FAM135B: variants seen among roughly 807,000 people sequenced by gnomAD.
The protein encoded by FAM135B is protein FAM135B.
A neutral mutation model predicts 127.7 loss-of-function variants in FAM135B; 43 were observed. The ratio of observed to expected loss-of-function variants is 0.34; its 90% CI spans 0.26 to 0.43. The LOEUF (loss-of-function observed/expected upper bound fraction) is 0.43, where lower values mean the gene tolerates loss of function less well. Among genes scored for constraint, FAM135B ranks in the 20% least tolerant of loss-of-function variants. FAM135B has a pLI of 1.00. For synonymous variants in FAM135B, 670 were observed against 665.1 expected, an observed-to-expected ratio of 1.01 and a Z score of -0.11; for missense variants, 1,558 against 1,725.6, an observed-to-expected ratio of 0.90 and a Z score of 1.72.
chr8:138,220,991 G>C (rs541166926), intron 7 of FAM135B, among the ~76,000 whole-genome samples: 1 of 152,200 alleles, frequency 6.6e-6, no homozygotes, highest in Non-Finnish European at 1.5e-5. Flanking sequence ...TAAAAACGAA[G>C]TGAGACCTAC....
At chr8:138,331,283 A>T (rs1244832523) in intron 2 of FAM135B, among the ~76,000 whole-genome samples, 3 of 152,210 alleles carry the variant, frequency 2.0e-5, no homozygotes, top group African/African-American at 7.2e-5. Context: ...CATCTGACTC[A>T]GGCATTCAAG....
chr8:138,301,293 T>C (rs1441251904), intron 3 of FAM135B, among the ~76,000 whole-genome samples: 1 of 152,226 alleles, frequency 6.6e-6, no homozygotes, highest in African/African-American at 2.4e-5. Flanking sequence ...ATTCTTAGTC[T>C]ATCAGAAACC....
chr8:138,322,602 T>G (rs978582112), intron 2 of FAM135B, among the ~76,000 whole-genome samples: 7 of 152,192 alleles, frequency 4.6e-5, no homozygotes, highest in Non-Finnish European at 1.0e-4. Flanking sequence ...AATCTAATGA[T>G]AGTCAGCTAT....
Position 138,197,681 on chromosome 8 carries a change from A to G in FAM135B, c.670-12T>C, listed in dbSNP as rs905421625. ...ATGTAGAAGCTTCCCTAAGGGGTGAAACAGAAACAGAGGCTGAGGAATATT... is the reference window on the plus strand; with the variant it reads ...ATGTAGAAGCTTCCCTAAGGGGTGAGACAGAAACAGAGGCTGAGGAATATT... On this transcript the variant is annotated splice_polypyrimidine_tract_variant and intron_variant, in intron 7 of 19. Coordinates refer to ENST00000395297, the MANE Select transcript of FAM135B (RefSeq NM_015912.4). The G allele has an allele frequency of 6.2e-7, 1 of 1,611,318 alleles. No homozygotes were observed. The highest frequency in any genetic ancestry group is 8.5e-7 in the Non-Finnish European group (1 of 1,177,686).
At position 138,242,893 on chromosome 8, in the gene FAM135B, C is replaced by G. The variant is rs760102975; in HGVS notation, c.669+49G>C. The G allele has an allele frequency of 6.3e-7, 1 of 1,582,680 alleles. No individual in the cohort carries two copies. On this transcript the variant is annotated intron_variant, in intron 7 of 19. Coordinates refer to ENST00000395297, the MANE Select transcript of FAM135B (RefSeq NM_015912.4). The surrounding 1 kb of genome is among the most constrained non-coding windows in gnomAD (Gnocchi z 9.6). ...TGAATCTCATAGAACATACACTCTG[C>G]AAAGTAAAGTTTGAAAGTTTTGAAG...
At chr8:138,235,116 C>T (rs561023889) in intron 7 of FAM135B, among the ~76,000 whole-genome samples, 24 of 152,264 alleles carry the variant, frequency 1.6e-4, no homozygotes, top group African/African-American at 3.1e-4. Context: ...GCCACTGTGC[C>T]TATTATGTCT....
At chr8:138,291,704 TA>T (rs1825122672) in intron 3 of FAM135B, among the ~76,000 whole-genome samples, 1 of 152,210 alleles carries the variant, frequency 6.6e-6, no homozygotes, top group Admixed American at 6.5e-5. Context: ...ATCATCTCAA[TA>T]GATGCAAAAA....
chr8:138,173,096 C>A (rs1814070697), intron 11 of FAM135B, among the ~76,000 whole-genome samples: 1 of 152,080 alleles, frequency 6.6e-6, no homozygotes, highest in South Asian at 2.1e-4. Context: ...AGAGACACTC[C>A]CATTCTGAGC....
intron 7 of FAM135B, among the ~76,000 whole-genome samples, chr8:138,206,273 C>T (rs201743860): frequency 2.8e-4 from 41 of 145,486 alleles, no homozygotes; most frequent in Middle Eastern, 3.8e-3. Context: ...CTCTATCATC[C>T]CCTCCACCTA....
At chr8:138,446,049 T>C (rs1836138919) in intron 1 of FAM135B, among the ~76,000 whole-genome samples, 1 of 152,088 alleles carries the variant, frequency 6.6e-6, no homozygotes, top group African/African-American at 2.4e-5. Flanking sequence ...GAACTCCCAT[T>C]CACAATCGCT....
intron 1 of FAM135B, among the ~76,000 whole-genome samples, chr8:138,424,437 T>C (rs149737441): frequency 6.6e-6 from 1 of 152,320 alleles, no homozygotes; most frequent in Non-Finnish European, 1.5e-5. Context: ...TGTAGATGTA[T>C]ATATCTTCAA....
At chr8:138,436,920 G>A (rs1428258178) in intron 1 of FAM135B, 5 of 152,182 alleles carry the variant, frequency 3.3e-5, no homozygotes, top group Non-Finnish European at 5.9e-5. Context: ...TGAGAGGTTG[G>A]AGATTTCCTT....
At chr8:138,232,107 TTAGCCC>T (rs1370321821) in intron 7 of FAM135B, among the ~76,000 whole-genome samples, 1 of 152,246 alleles carries the variant, frequency 6.6e-6, no homozygotes, top group African/African-American at 2.4e-5. Context: ...AAACCCAAGA[TTAGCCC>T]TACCAGGTTT....
At chr8:138,244,288 T>C (rs930553254) in intron 6 of FAM135B, among the ~76,000 whole-genome samples, 4 of 145,624 alleles carry the variant, frequency 2.7e-5, no homozygotes, top group African/African-American at 1.0e-4. Flanking sequence ...GAGCAATTTA[T>C]GATGCAAACG....
intron 1 of FAM135B, among the ~76,000 whole-genome samples, chr8:138,455,288 C>G (rs1331682855): frequency 2.0e-5 from 3 of 152,280 alleles, no homozygotes; most frequent in Non-Finnish European, 4.4e-5. Context: ...GAAATGTAAA[C>G]TGCATTGGGA....
chr8:138,253,289 T>C (rs1821841217), intron 5 of FAM135B, among the ~76,000 whole-genome samples: 3 of 152,158 alleles, frequency 2.0e-5, no homozygotes, highest in South Asian at 4.2e-4. Context: ...GAGCTCCCCA[T>C]CCCTGTGCAA....
At chr8:138,395,115 C>T (rs938931357) in intron 1 of FAM135B, among the ~76,000 whole-genome samples, 9 of 152,198 alleles carry the variant, frequency 5.9e-5, no homozygotes, top group Non-Finnish European at 1.0e-4. Flanking sequence ...CCTTTCTCCA[C>T]GCCTGTGAGA....
intron 1 of FAM135B, among the ~76,000 whole-genome samples, chr8:138,459,863 C>A (rs978241852): frequency 2.0e-5 from 3 of 152,156 alleles, no homozygotes; most frequent in Non-Finnish European, 4.4e-5. Context: ...TGGCCATGGA[C>A]CCTGGGTCCA....
At chr8:138,137,030 A>G (rs1230755795) in intron 19 of FAM135B, 117 bp downstream of exon 19, 2 of 657,002 alleles carry the variant, frequency 3.0e-6, no homozygotes, top group Non-Finnish European at 5.6e-6. Flanking sequence ...CACTAAGCTA[A>G]GATAAATGCA....
Sources: gnomAD v4.1 joint callset for allele counts (sites outside exome capture counted in the v4.1 genomes callset) on GRCh38, gnomAD v4.1.1 for gene constraint, Gnocchi (gnomAD v3.1) non-coding constraint, MANE v1.5 for transcripts, NCBI Gene and HGNC (gene_info 2026-07-23, HGNC 2026-07-21) for gene names.